The following CHRND variants were observed in gnomAD, a reference collection of about 807,000 sequenced individuals.
CHRND encodes the protein acetylcholine receptor subunit delta.
CHRND carries 40 observed loss-of-function variants against 57.8 expected under a neutral mutation model. That is an observed-to-expected ratio of 0.69 (90% CI 0.54 to 0.90). The LOEUF is 0.90. Ranked by LOEUF, CHRND falls within the 40% of genes least tolerant of loss-of-function variation. The pLI is 0.00. For synonymous variants in CHRND, 237 were observed against 270.6 expected, an observed-to-expected ratio of 0.88 and a Z score of 1.22; for missense variants, 634 against 673.9, an observed-to-expected ratio of 0.94 and a Z score of 0.66.
intron 2 of CHRND, among the ~76,000 whole-genome samples, chr2:232,526,955 C>T (rs1024792783): frequency 2.6e-5 from 4 of 152,182 alleles, no homozygotes; most frequent in African/African-American, 7.2e-5. Flanking sequence ...CTCCTGACTG[C>T]GAGTGATCAG....
rs1205970783 is a variant in CHRND at position 232,536,564 on chromosome 2, C to T, written c.*1252C>T. ...AGCCCAGTAGACATCTTATGTGCAG[C>T]CCCATGAAAGTCCCTAAGCCAGAAC... is the stretch of plus-strand genomic sequence containing the variant. On this transcript the variant is annotated 3_prime_UTR_variant, in exon 12 of 12. Transcript: ENST00000258385. 4.8e-6 allele frequency: 2 copies of T among 418,960 alleles called. No homozygotes were observed. Among genetic ancestry groups the T allele is most frequent in the African/African-American group, 4.1e-5 (2 of 48,914 alleles). The allele number at this position is 418,960 out of a possible 1,614,324, so 26.0% of individuals were successfully genotyped here. A position where few individuals can be genotyped will look rare whatever the true frequency, so the allele number is the denominator to read the frequency against.
intron 6 of CHRND, 149 bp from the exon 7 acceptor site, chr2:232,529,790 A>G: frequency 4.3e-6 from 3 of 703,998 alleles, no homozygotes; most frequent in South Asian, 3.8e-5. Flanking sequence ...CCGACCCCCC[A>G]GGGAACGACA....
chr2:232,535,122 A>T lies in CHRND; in HGVS notation c.1372-8A>T. On this transcript the variant is annotated splice_region_variant and splice_polypyrimidine_tract_variant and intron_variant, in intron 11 of 11. Transcript: ENST00000258385. Reference sequence around the variant, plus strand: ...TTCTCACCCCACTCTCTCTGCCCCTACCCACAGGAGAAAGACAGCTGGAAC... The same window carrying T: ...TTCTCACCCCACTCTCTCTGCCCCTTCCCACAGGAGAAAGACAGCTGGAAC... 6.2e-7 allele frequency: 1 copy of T among 1,613,786 alleles called. No individual in the cohort carries two copies. The highest frequency in any genetic ancestry group is 8.5e-7 in the Non-Finnish European group (1 of 1,179,988).
chr2:232,526,231 C>T lies in CHRND; in HGVS notation c.16C>T (p.Leu6=). The change falls in exon 1 of 12, where the codon CTG becomes TTG. Residue 6 remains leucine (L), a synonymous_variant. Transcript: ENST00000258385. The part of the protein sequence containing the change: MEGPV[L]TLGLLAALAV... ...GAGGGATGGGATGGAGGGGCCAGTG[C>T]TGACACTGGGGCTGCTGGCTGCCCT... 6.2e-7 allele frequency: 1 copy of T among 1,607,350 alleles called. No homozygotes were observed. Among genetic ancestry groups the T allele is most frequent in the Non-Finnish European group, 8.5e-7 (1 of 1,176,706 alleles).
chr2:232,535,364 A>G lies in CHRND; in HGVS notation c.*52A>G, dbSNP rs2767. On this transcript the variant is annotated 3_prime_UTR_variant, in exon 12 of 12. Transcript: ENST00000258385. ...CAGCAGGGTCTGAGAGAGGAGCCACAGTCCCTAATGACACCCACTCCTAGC... is the reference window on the plus strand; with the variant it reads ...CAGCAGGGTCTGAGAGAGGAGCCACGGTCCCTAATGACACCCACTCCTAGC... 0.37 allele frequency: 596,037 copies of G among 1,597,770 alleles called. 115,240 individuals are homozygous for G. The highest frequency in any genetic ancestry group is 0.59 in the Admixed American group (35,113 of 59,926).
At chr2:232,531,890 T>G (rs1279904399) in intron 9 of CHRND, among the ~76,000 whole-genome samples, 1 of 132,512 alleles carries the variant, frequency 7.5e-6, no homozygotes, top group African/African-American at 3.0e-5. Flanking sequence ...AAAGCTGCAG[T>G]GAGCTGTGAT....
At chr2:232,533,610 G>A (rs1489381132) in intron 9 of CHRND, among the ~76,000 whole-genome samples, 1 of 152,102 alleles carries the variant, frequency 6.6e-6, no homozygotes, top group African/African-American at 2.4e-5. Context: ...GGCCAGACAC[G>A]GTGCCTCGCC....
In CHRND at chr2:232,526,196, G is replaced by A. The variant is rs371414024; in HGVS notation, c.-20G>A. On this transcript the variant is annotated 5_prime_UTR_variant, in exon 1 of 12. Transcript: ENST00000258385. ...CTGTAGACAGGAGGGGCAGATGCAC[G>A]TCCCAGTCAGAGGGATGGGATGGAG... is the stretch of plus-strand genomic sequence containing the variant. 439 of 1,561,368 alleles carry A rather than the reference G, an allele frequency of 2.8e-4. No individual in the cohort carries two copies. The highest frequency in any genetic ancestry group is 5.5e-4 in the Admixed American group (32 of 58,168).
In CHRND at chr2:232,531,645, G is replaced by C; in HGVS notation, c.1036G>C (p.Gly346Arg). ...RTPSTHVLSE[G>R]VKKLFLETLP... ...ACCCAGCACCCATGTGCTGTCTGAG[G>C]GGGTCAAGAAGGTGAGTACTTGGCC... The change falls in exon 9 of 12, where the codon GGG becomes CGG. Residue 346 changes from glycine to arginine, a missense_variant. Coordinates refer to ENST00000258385, the MANE Select transcript of CHRND (RefSeq NM_000751.3). The C allele has an allele frequency of 6.2e-7, 1 of 1,613,092 alleles. No homozygotes were observed. The highest frequency in any genetic ancestry group is 8.5e-7 in the Non-Finnish European group (1 of 1,179,892).
Position 232,531,442 on chromosome 2 carries a change from T to C in CHRND, c.911T>C (p.Met304Thr). The part of the protein sequence containing the change: ...LISKRLPATS[M>T]AIPLIGKFLL... ...TCCAAGCGTCTGCCTGCCACATCCA[T>C]GGCCATCCCCCTTATCGGCAAGTGA... Residue 304 changes from methionine to threonine, a missense_variant, in exon 8 of 12, where the codon ATG becomes ACG. Physicochemically the swap from Met to Thr is moderately conservative, Grantham distance 81. Transcript: ENST00000258385. 2 of 1,613,924 alleles carry C rather than the reference T, an allele frequency of 1.2e-6. No individual in the cohort carries two copies. The highest frequency in any genetic ancestry group is 1.7e-6 in the Non-Finnish European group (2 of 1,179,954).
At position 232,529,979 on chromosome 2, in the gene CHRND, C is replaced by T; in HGVS notation, c.660C>T (p.Val220=). 1 of 1,614,154 alleles carries T rather than the reference C, an allele frequency of 6.2e-7. No individual in the cohort carries two copies. Among genetic ancestry groups the T allele is most frequent in the Non-Finnish European group, 8.5e-7 (1 of 1,180,036 alleles). Residue 220 remains valine, a synonymous_variant, in exon 7 of 12, where the codon GTC becomes GTT. Transcript: ENST00000258385. ...AGATAGTCCACCGGCCGGCCAGGGT[C>T]AACGTGGACCCCAGAGCCCCTCTGG... The part of the protein sequence containing the change: ...EWEIVHRPAR[V]NVDPRAPLDS...
chr2:232,530,607 A>G lies in CHRND; in HGVS notation c.820+468A>G, dbSNP rs574668989. ...TCAGAGTATTTACTATGAGCAGGGC[A>G]TAGTGAGTCCCAGGGTCAAAGGCCA... On this transcript the variant is annotated intron_variant, in intron 7 of 11. Coordinates refer to ENST00000258385, the MANE Select transcript of CHRND (RefSeq NM_000751.3). 3.3e-5 allele frequency among the ~76,000 whole-genome samples: 5 copies of G among 152,280 alleles called. No individual in the cohort carries two copies. The East Asian group carries it at 9.7e-4, about 29-fold the overall frequency.
chr2:232,529,943 C>A lies in CHRND; in HGVS notation c.624C>A (p.Asn208Lys). ...IIIDPEGFTE[N>K]GEWEIVHRPA... ...ATGTCCATGTGCCGCCCTCAGAGAACGGGGAGTGGGAGATAGTCCACCGGC... is the reference window on the plus strand; with the variant it reads ...ATGTCCATGTGCCGCCCTCAGAGAAAGGGGAGTGGGAGATAGTCCACCGGC... The change falls in exon 7 of 12, where the codon AAC becomes AAA. Residue 208 changes from asparagine (N) to lysine (K), a missense_variant. Asn to Lys is a moderately conservative substitution (Grantham distance 94, BLOSUM62 0). Transcript: ENST00000258385. The A allele has an allele frequency of 6.2e-7, 1 of 1,613,894 alleles. No homozygotes were observed. Among genetic ancestry groups the A allele is most frequent in the Non-Finnish European group, 8.5e-7 (1 of 1,179,936 alleles).
At chr2:232,533,876 A>G in intron 9 of CHRND, 55 bp from the exon 10 acceptor site, 1 of 1,582,488 alleles carries the variant, frequency 6.3e-7, no homozygotes, top group Non-Finnish European at 8.6e-7. Context: ...ACTCCGTCTC[A>G]AAAACAAAGA....
rs766064799 is a variant in CHRND at position 232,534,014 on chromosome 2, G to A, written c.1131G>A (p.Arg377=). 4 of 1,613,944 alleles carry A rather than the reference G, an allele frequency of 2.5e-6. No individual in the cohort carries two copies. In the South Asian group the frequency reaches 3.3e-5, roughly 13 times the overall value. ...CCAGCCCTGGGGCCCTGGTGCGGAG[G>A]AGCAGCTCCCTGGGATACATCTCCA... ...DGPSPGALVR[R]SSSLGYISKA... The change falls in exon 10 of 12, where the codon AGG becomes AGA. Residue 377 remains arginine, a synonymous_variant. Coordinates refer to ENST00000258385, the MANE Select transcript of CHRND (RefSeq NM_000751.3).
At position 232,531,671 on chromosome 2, in the gene CHRND, C is replaced by A. The variant is rs561182659; in HGVS notation, c.1047+15C>A. The A allele has an allele frequency of 6.2e-7, 1 of 1,601,702 alleles. No homozygotes were observed. The highest frequency in any genetic ancestry group is 8.5e-7 in the Non-Finnish European group (1 of 1,171,778). On this transcript the variant is annotated intron_variant, in intron 9 of 11. Coordinates refer to ENST00000258385, the MANE Select transcript of CHRND (RefSeq NM_000751.3). ...GGGTCAAGAAGGTGAGTACTTGGCCCGGCGCAAAAGCTCACCACTGTAATC... is the reference window on the plus strand; with the variant it reads ...GGGTCAAGAAGGTGAGTACTTGGCCAGGCGCAAAAGCTCACCACTGTAATC...
chr2:232,533,658 T>C (rs2106213944), intron 9 of CHRND, among the ~76,000 whole-genome samples: 1 of 152,238 alleles, frequency 6.6e-6, no homozygotes, highest in African/African-American at 2.4e-5. Context: ...GTCAGGCAGA[T>C]CACGAGGTCA....
In CHRND at chr2:232,530,013, A is replaced by G. The variant is rs1210342317; in HGVS notation, c.694A>G (p.Ser232Gly). ...VDPRAPLDSP[S>G]RQDITFYLII... The stretch of plus-strand genomic sequence containing the variant: ...CCCCAGAGCCCCTCTGGACAGCCCC[A>G]GCCGCCAGGACATCACCTTCTACCT... Residue 232 changes from serine (S) to glycine (G), a missense_variant, in exon 7 of 12, where the codon AGC becomes GGC. Ser to Gly is a moderately conservative substitution (Grantham distance 56, BLOSUM62 0). Transcript: ENST00000258385. The G allele has an allele frequency of 6.2e-7, 1 of 1,614,104 alleles. No homozygotes were observed.
At position 232,534,091 on chromosome 2, in the gene CHRND, A is replaced by G; in HGVS notation, c.1208A>G (p.Lys403Arg). The G allele has an allele frequency of 6.2e-7, 1 of 1,614,126 alleles. No individual in the cohort carries two copies. The highest frequency in any genetic ancestry group is 8.5e-7 in the Non-Finnish European group (1 of 1,180,044). ...LKSRSDLMFE[K>R]QSERHGLARR... is the part of the protein sequence containing the mutation. ...TCCCGCAGTGACCTCATGTTCGAGA[A>G]GCAGTCAGAGCGGCATGGGCTGGCC... Residue 403 changes from lysine to arginine, a missense_variant, in exon 10 of 12, where the codon AAG becomes AGG. By Grantham distance (26) the Lys-to-Arg change is conservative. Transcript: ENST00000258385.
Sources: gnomAD v4.1 joint callset for allele counts (sites outside exome capture counted in the v4.1 genomes callset) on GRCh38, gnomAD v4.1.1 for gene constraint, MANE v1.5 for transcripts, NCBI Gene and HGNC (gene_info 2026-07-23, HGNC 2026-07-21) for gene names.